Variants in PTCH1 observed in about 807,000 individuals in gnomAD.
The protein encoded by PTCH1 is patched 1, also known as protein patched homolog 1.
A neutral mutation model predicts 144.6 loss-of-function variants in PTCH1; 14 were observed. The observed-to-expected ratio is 0.10, with a 90% confidence interval of 0.06 to 0.15. The LOEUF is 0.15. Ranked by LOEUF, PTCH1 falls within the 10% of genes least tolerant of loss-of-function variation. PTCH1 has a pLI of 1.00. For synonymous variants in PTCH1, 833 were observed against 793.6 expected, an observed-to-expected ratio of 1.05 and a Z score of -0.83; for missense variants, 1,623 against 1,948.3, an observed-to-expected ratio of 0.83 and a Z score of 3.14.
chr9:95,449,470 C>T lies in PTCH1; in HGVS notation c.3550-147G>A. The T allele has an allele frequency of 8.5e-7, 1 of 1,170,874 alleles. No individual in the cohort carries two copies. The allele number at this position is 1,170,874 out of a possible 1,614,324, so 72.5% of individuals were successfully genotyped here. Reference sequence around the variant, plus strand: ...TGCCGTATTAACCTCCCCTTCTCTACCACCTGGAGGACCTTCAGGTCCCGC... The same window carrying T: ...TGCCGTATTAACCTCCCCTTCTCTATCACCTGGAGGACCTTCAGGTCCCGC... On this transcript the variant is annotated intron_variant, in intron 21 of 23. Transcript: ENST00000331920. The surrounding 1 kb of genome is among the most constrained non-coding windows in gnomAD (Gnocchi z 5.3).
upstream of PTCH1, among the ~76,000 whole-genome samples, chr9:95,510,021 G>T (rs989999872): frequency 6.7e-6 from 1 of 148,702 alleles, no homozygotes; most frequent in Non-Finnish European, 1.5e-5. Flanking sequence ...AAAAAACACA[G>T]TCTTGGTTTG....
intron 1 of PTCH1, chr9:95,507,044 G>A (rs1843724616): frequency 1.0e-6 from 1 of 988,006 alleles, no homozygotes; most frequent in Non-Finnish European, 1.2e-6. Flanking sequence ...ACGGGCGCTA[G>A]GGGCGAGCGC....
At chr9:95,482,309 T>C in intron 3 of PTCH1, 106 bp from the exon 4 acceptor site, 1 of 1,138,282 alleles carries the variant, frequency 8.8e-7, no homozygotes, top group South Asian at 1.4e-5. Context: ...TCGATCACTT[T>C]TAAGCATCTG....
In PTCH1 at chr9:95,508,522, C is replaced by CCGCTGCTGCTGCTCACACGGCGGG; in HGVS notation, c.-185_-162dup. 11 of 1,015,270 alleles carry CCGCTGCTGCTGCTCACACGGCGGG rather than the reference C, an allele frequency of 1.1e-5. No individual in the cohort carries two copies. The highest frequency in any genetic ancestry group is 1.3e-5 in the Non-Finnish European group (11 of 849,310). The allele number at this position is 1,015,270 out of a possible 1,614,324, so 62.9% of individuals were successfully genotyped here. On this transcript the variant is annotated 5_prime_UTR_variant, in exon 1 of 24. Coordinates refer to ENST00000331920, the MANE Select transcript of PTCH1 (RefSeq NM_000264.5). ...GCTCGGGCTCCGGTTGACAGACCAG[C>CCGCTGCTGCTGCTCACACGGCGGG]CGCTGCTGCTGCTCACACGGCGGGC...
At chr9:95,509,829 T>C (rs1844052928), upstream of PTCH1, among the ~76,000 whole-genome samples, 1 of 152,142 alleles carries the variant, frequency 6.6e-6, no homozygotes, top group Non-Finnish European at 1.5e-5. Flanking sequence ...GCCAGATTTT[T>C]TTTTCCTCTT....
At position 95,508,663 on chromosome 9, in the gene PTCH1, C is replaced by CG; in HGVS notation, c.-303dup. ...GCCGCCGCTGCCCACATCCAGTTCG[C>CG]GGAAGAGCGAGAGCCGGCGCGCCGA... On this transcript the variant is annotated 5_prime_UTR_variant, in exon 1 of 24. Transcript: ENST00000331920. The CG allele has an allele frequency of 2.0e-6, 2 of 988,012 alleles. No individual in the cohort carries two copies. The highest frequency in any genetic ancestry group is 2.4e-6 in the Non-Finnish European group (2 of 831,896). The allele number at this position is 988,012 out of a possible 1,614,324, so 61.2% of individuals were successfully genotyped here. A position where few individuals can be genotyped will look rare whatever the true frequency, so the allele number is the denominator to read the frequency against.
chr9:95,480,679 AG>A, intron 5 of PTCH1, 91 bp from the exon 6 acceptor site: 1 of 1,341,400 alleles, frequency 7.5e-7, no homozygotes, highest in South Asian at 1.2e-5. Context: ...TCCACCTTGT[AG>A]GAGGTTCCTG....
intron 14 of PTCH1, among the ~76,000 whole-genome samples, chr9:95,468,487 C>G (rs988287599): frequency 6.6e-6 from 1 of 152,190 alleles, no homozygotes; most frequent in African/African-American, 2.4e-5. Flanking sequence ...CATGAGCCAC[C>G]GCAAGTGGCA....
intron 12 of PTCH1, among the ~76,000 whole-genome samples, chr9:95,471,710 C>T (rs1433560549): frequency 6.6e-6 from 1 of 152,176 alleles, no homozygotes; most frequent in Non-Finnish European, 1.5e-5. Flanking sequence ...TCAGTCAAGG[C>T]AGGCTTCCCG....
upstream of PTCH1, among the ~76,000 whole-genome samples, chr9:95,511,623 T>G (rs578134006): frequency 2.0e-5 from 3 of 152,342 alleles, no homozygotes; most frequent in Non-Finnish European, 4.4e-5. Flanking sequence ...GCGGGCAGCA[T>G]GCGAGGAAAA....
rs372686352 is a variant in PTCH1 at position 95,447,000 on chromosome 9, C to T, written c.4256G>A (p.Arg1419Gln). The T allele has an allele frequency of 4.1e-5, 66 of 1,614,068 alleles. 1 individual carries two copies. The highest frequency in any genetic ancestry group is 3.3e-4 in the Middle Eastern group (2 of 6,084). The stretch of plus-strand genomic sequence containing the variant: ...CACCTTCGAATCCCTCCTCTCACAC[C>T]GGACGTGGAAAGGCACGTGGGGGTC... ...FEDPHVPFHV[R>Q]CERRDSKVEV... is the part of the protein sequence containing the mutation. Residue 1419 changes from arginine to glutamine, a missense_variant, in exon 23 of 24, where the codon CGG becomes CAG. Coordinates refer to ENST00000331920, the MANE Select transcript of PTCH1 (RefSeq NM_000264.5).
At chr9:95,484,490 G>C (rs1841824014) in intron 3 of PTCH1, among the ~76,000 whole-genome samples, 1 of 152,222 alleles carries the variant, frequency 6.6e-6, no homozygotes, top group South Asian at 2.1e-4. Context: ...AATGTAAGCA[G>C]AGGTTAGAGA....
At chr9:95,483,127 G>A (rs927075539) in intron 3 of PTCH1, 3 of 151,814 alleles carry the variant, frequency 2.0e-5, no homozygotes, top group African/African-American at 7.3e-5. Flanking sequence ...AAATTGCCAG[G>A]CGTGGTGCCA....
Position 95,458,558 on chromosome 9 carries a change from G to A in PTCH1, c.2888-265C>T, listed in dbSNP as rs2136664464. Reference sequence around the variant, plus strand: ...CTTTGTGAGGGGTCTAAAAACTCCAGGCTTACATTTTGGGAACATTTTTTT... The same window carrying A: ...CTTTGTGAGGGGTCTAAAAACTCCAAGCTTACATTTTGGGAACATTTTTTT... On this transcript the variant is annotated intron_variant, in intron 17 of 23. Transcript: ENST00000331920. This position sits in a 1 kb window ranked among gnomAD's most constrained non-coding sequence, Gnocchi z 4.7. Among the ~76,000 whole-genome samples, 1 of 152,322 alleles carries A rather than the reference G, an allele frequency of 6.6e-6. No individual in the cohort carries two copies. Among genetic ancestry groups the A allele is most frequent in the East Asian group, 1.9e-4 (1 of 5,190 alleles).
In PTCH1 at chr9:95,506,505, C is replaced by T. The variant is rs753884837; in HGVS notation, c.296G>A (p.Gly99Asp). Residue 99 changes from glycine to aspartate, a missense_variant, in exon 2 of 24, where the codon GGC becomes GAC. Gly to Asp is a moderately conservative substitution (Grantham distance 94). Coordinates refer to ENST00000331920, the MANE Select transcript of PTCH1 (RefSeq NM_000264.5). ...KLGCYIQKNCGKFLVVGLLIF... is the reference protein window; with the variant it reads ...KLGCYIQKNCDKFLVVGLLIF... ...GAGGAGGCCCACAACCAAGAACTTG[C>T]CGCAGTTTTTTTGAATGTAACAACC... The T allele has an allele frequency of 6.2e-7, 1 of 1,613,780 alleles. No homozygotes were observed. The highest frequency in any genetic ancestry group is 8.5e-7 in the Non-Finnish European group (1 of 1,179,814).
chr9:95,474,481 G>T (rs1196477312), intron 12 of PTCH1, among the ~76,000 whole-genome samples: 2 of 152,172 alleles, frequency 1.3e-5, no homozygotes, highest in African/African-American at 4.8e-5. Flanking sequence ...TCGAGCATCA[G>T]ATCTGAACGT....
At chr9:95,464,780 G>A (rs1156467961) in intron 15 of PTCH1, among the ~76,000 whole-genome samples, 4 of 152,282 alleles carry the variant, frequency 2.6e-5, no homozygotes, top group East Asian at 1.9e-4. Flanking sequence ...AAAAACCAAT[G>A]AGGCTCCCAC....
chr9:95,516,777 C>T (rs1391924484), exon 1 of PTCH1: 2 of 1,612,886 alleles, frequency 1.2e-6, no homozygotes, highest in Non-Finnish European at 1.7e-6. Flanking sequence ...CGGAGTGCAG[C>T]GCGGACTCAC....
chr9:95,484,482 T>C (rs1045898771), intron 3 of PTCH1, among the ~76,000 whole-genome samples: 3 of 152,182 alleles, frequency 2.0e-5, no homozygotes, highest in African/African-American at 7.2e-5. Context: ...CGAGCTGGAA[T>C]GTAAGCAGAG....
Sources: gnomAD v4.1 joint callset for allele counts (sites outside exome capture counted in the v4.1 genomes callset) on GRCh38, gnomAD v4.1.1 for gene constraint, Gnocchi (gnomAD v3.1) non-coding constraint, MANE v1.5 for transcripts, NCBI Gene and HGNC (gene_info 2026-07-23, HGNC 2026-07-21) for gene names.